The following QRICH1 variants were observed in gnomAD, a reference collection of about 807,000 sequenced individuals.
QRICH1 encodes the protein glutamine rich 1.
Under a neutral mutation model 87.1 loss-of-function variants are expected in QRICH1, and 16 were observed. The ratio of observed to expected loss-of-function variants is 0.18; its 90% CI spans 0.12 to 0.28. The LOEUF (loss-of-function observed/expected upper bound fraction) is 0.28, where lower values mean the gene tolerates loss of function less well. QRICH1 is among the 10% of genes least tolerant of loss of function. The pLI, the probability that QRICH1 is intolerant of heterozygous loss-of-function variation, is 1.00. For missense variants in QRICH1, 647 were observed against 951.7 expected, an observed-to-expected ratio of 0.68 and a Z score of 4.21; for synonymous variants, 367 against 368.4, an observed-to-expected ratio of 1.00 and a Z score of 0.05.
intron 3 of QRICH1, among the ~76,000 whole-genome samples, chr3:49,048,670 C>T (rs2093352642): frequency 6.7e-6 from 1 of 150,316 alleles, no homozygotes; most frequent in African/African-American, 2.4e-5. Flanking sequence ...CGCCTGTAGT[C>T]CCAGCTACTC....
chr3:49,082,549 G>C (rs1363204733), intron 1 of QRICH1, among the ~76,000 whole-genome samples: 1 of 151,680 alleles, frequency 6.6e-6, no homozygotes, highest in Non-Finnish European at 1.5e-5. Context: ...GCTTCAAAAA[G>C]TTACTTGCTA....
At chr3:49,030,704 G>C in intron 9 of QRICH1, 60 bp from the exon 10 acceptor site, 1 of 1,384,566 alleles carries the variant, frequency 7.2e-7, no homozygotes, top group Non-Finnish European at 9.8e-7. Flanking sequence ...CTCCCACCCT[G>C]AACTTCCCAG....
rs757152866 is a variant in QRICH1 at position 49,030,104 on chromosome 3, C to G, written c.*348G>C. 2.4e-5 allele frequency: 9 copies of G among 378,066 alleles called. No individual in the cohort carries two copies. The highest frequency in any genetic ancestry group is 4.2e-5 in the African/African-American group (2 of 47,920). The allele number at this position is 378,066 out of a possible 1,614,324, so 23.4% of individuals were successfully genotyped here. ...TGGGGAGATTCCCTCCAGGGTCCAT[C>G]CATCATTAATTCCATCTCTCTTGAA... On this transcript the variant is annotated 3_prime_UTR_variant, in exon 10 of 10. Coordinates refer to ENST00000395443, the MANE Select transcript of QRICH1 (RefSeq NM_198880.3).
At chr3:49,049,269 A>G (rs2093356496) in intron 3 of QRICH1, among the ~76,000 whole-genome samples, 1 of 150,902 alleles carries the variant, frequency 6.6e-6, no homozygotes, top group African/African-American at 2.4e-5. Context: ...AAGTGGTGAA[A>G]CCCCATCTCT....
intron 2 of QRICH1, among the ~76,000 whole-genome samples, chr3:49,064,949 A>C (rs563701284): frequency 1.1e-4 from 16 of 152,220 alleles, no homozygotes; most frequent in Non-Finnish European, 1.9e-4. Context: ...CCCAGGAGGC[A>C]GAGGTTGCAG....
intron 6 of QRICH1, among the ~76,000 whole-genome samples, chr3:49,041,578 T>A (rs2093309969): frequency 6.6e-6 from 1 of 151,818 alleles, no homozygotes; most frequent in Admixed American, 6.6e-5. Flanking sequence ...TCTTCCCACC[T>A]CGGTCTCCCA....
intron 2 of QRICH1, among the ~76,000 whole-genome samples, chr3:49,072,161 T>A (rs989682667): frequency 2.0e-5 from 3 of 152,100 alleles, no homozygotes; most frequent in African/African-American, 7.2e-5. Flanking sequence ...TGAAACCCCA[T>A]CTCTACTAAA....
chr3:49,048,130 C>CT (rs34861445), intron 3 of QRICH1, among the ~76,000 whole-genome samples: 49 of 142,150 alleles, frequency 3.4e-4, no homozygotes, highest in African/African-American at 6.8e-4. Flanking sequence ...TTCTTTCTTT[C>CT]TTTTTTTTTT....
rs192001973 is a variant in QRICH1 at position 49,058,515 on chromosome 3, G to A, written c.310-625C>T. ...TAATTTTTGTATTTTTAGTAGAGAC[G>A]AGGTTTCACCATGTTGGCCAAGCTA... is the stretch of plus-strand genomic sequence containing the variant. On this transcript the variant is annotated intron_variant, in intron 2 of 9. Transcript: ENST00000395443. Among the ~76,000 whole-genome samples, 431 of 152,144 alleles carry A rather than the reference G, an allele frequency of 2.8e-3. 3 individuals are homozygous for A. Among genetic ancestry groups the A allele is most frequent in the African/African-American group, 9.6e-3 (398 of 41,510 alleles).
intron 1 of QRICH1, among the ~76,000 whole-genome samples, chr3:49,084,747 A>T (rs1360375861): frequency 6.6e-6 from 1 of 151,352 alleles, no homozygotes; most frequent in Admixed American, 6.6e-5. Context: ...CTGGGGAAAG[A>T]GTGAGACTCC....
intron 3 of QRICH1, 129 bp downstream of exon 3, chr3:49,056,733 C>T: frequency 6.9e-7 from 1 of 1,453,786 alleles, no homozygotes; most frequent in South Asian, 1.3e-5. Flanking sequence ...CCTCTTCTCC[C>T]AAATACTAAA....
chr3:49,035,799 T>C (rs2093271243), intron 6 of QRICH1, among the ~76,000 whole-genome samples: 1 of 147,630 alleles, frequency 6.8e-6, no homozygotes, highest in Non-Finnish European at 1.5e-5. Context: ...AAAACTAAAA[T>C]AGCCTGGGCA....
At chr3:49,094,096 T>C (rs548483343), upstream of QRICH1, 54 of 398,488 alleles carry the variant, frequency 1.4e-4, no homozygotes, top group African/African-American at 1.0e-3. Context: ...CCTCTCGCGA[T>C]AATCGGGGCG....
intron 3 of QRICH1, among the ~76,000 whole-genome samples, chr3:49,056,266 G>T (rs1006892846): frequency 6.6e-6 from 1 of 152,100 alleles, no homozygotes; most frequent in African/African-American, 2.4e-5. Context: ...GCACCACCTC[G>T]CCCGGCCGCC....
chr3:49,086,133 TAA>T (rs879623493), intron 1 of QRICH1, among the ~76,000 whole-genome samples: 7 of 143,592 alleles, frequency 4.9e-5, no homozygotes, highest in East Asian at 2.0e-4. Context: ...AGCTGCATTG[TAA>T]AAAAAAAAAA....
chr3:49,088,425 A>G (rs528210717), intron 1 of QRICH1, among the ~76,000 whole-genome samples: 33 of 151,704 alleles, frequency 2.2e-4, no homozygotes, highest in Admixed American at 2.2e-3. Flanking sequence ...CCTCCCTAGT[A>G]GCTTGAACTA....
At chr3:49,061,310 T>C (rs1361200283) in intron 2 of QRICH1, among the ~76,000 whole-genome samples, 1 of 152,052 alleles carries the variant, frequency 6.6e-6, no homozygotes, top group Non-Finnish European at 1.5e-5. Flanking sequence ...TTACTTAACA[T>C]ATGTTTAATG....
intron 5 of QRICH1, among the ~76,000 whole-genome samples, chr3:49,045,199 T>C (rs1013896447): frequency 1.3e-5 from 2 of 152,036 alleles, no homozygotes; most frequent in African/African-American, 2.4e-5. Flanking sequence ...TTCAAATAAG[T>C]AGTTAGTGCA....
intron 1 of QRICH1, among the ~76,000 whole-genome samples, chr3:49,085,457 T>G (rs888831358): frequency 1.3e-5 from 2 of 152,040 alleles, no homozygotes; most frequent in Non-Finnish European, 2.9e-5. Flanking sequence ...TTTCAAAATC[T>G]GAAAGAAACT....
Sources: allele counts gnomAD v4.1 joint callset (sites outside exome capture counted in the v4.1 genomes callset), GRCh38; gene constraint gnomAD v4.1.1; transcripts MANE v1.5; gene names NCBI Gene and HGNC (gene_info 2026-07-23, HGNC 2026-07-21).